The following LIMCH1 variants were observed in gnomAD, a reference collection of about 807,000 sequenced individuals.
LIMCH1 encodes LIM and calponin homology domains 1.
In LIMCH1, 113 loss-of-function variants were observed where a neutral mutation model predicts 176.5. The ratio of observed to expected loss-of-function variants is 0.64; its 90% CI spans 0.55 to 0.75. LIMCH1 has a LOEUF of 0.75. LIMCH1 is among the 30% of genes least tolerant of loss of function. The pLI is 0.00. For synonymous variants in LIMCH1, 619 were observed against 645.9 expected, an observed-to-expected ratio of 0.96 and a Z score of 0.63; for missense variants, 1,674 against 1,814.9, an observed-to-expected ratio of 0.92 and a Z score of 1.41.
intron 4 of LIMCH1, among the ~76,000 whole-genome samples, chr4:41,611,813 A>G (rs1225251404): frequency 6.6e-6 from 1 of 152,244 alleles, no homozygotes; most frequent in Admixed American, 6.5e-5. Flanking sequence ...GTAGGTAAAT[A>G]ATCCAAGATA....
chr4:41,485,940 T>C (rs967059494), intron 1 of LIMCH1, among the ~76,000 whole-genome samples: 3 of 152,184 alleles, frequency 2.0e-5, no homozygotes, highest in African/African-American at 7.2e-5. Context: ...GCAATGATTC[T>C]GGCTAAGTTC....
chr4:41,686,379 G>C (rs749788136), intron 28 of LIMCH1, among the ~76,000 whole-genome samples: 13 of 152,050 alleles, frequency 8.5e-5, no homozygotes, highest in Non-Finnish European at 1.3e-4. Flanking sequence ...TAATGAGATT[G>C]TTCCTGCCAT....
chr4:41,441,380 T>A (rs981905705), intron 1 of LIMCH1, among the ~76,000 whole-genome samples: 1 of 152,206 alleles, frequency 6.6e-6, no homozygotes, highest in Non-Finnish European at 1.5e-5. Flanking sequence ...TTTCTTATTG[T>A]CCCATTTCTG....
chr4:41,514,500 A>G (rs371457797), intron 2 of LIMCH1, among the ~76,000 whole-genome samples: 1 of 152,190 alleles, frequency 6.6e-6, no homozygotes, highest in African/African-American at 2.4e-5. Flanking sequence ...GAGACTTTGT[A>G]TGCTCAGGGA....
intron 1 of LIMCH1, among the ~76,000 whole-genome samples, chr4:41,466,956 A>G (rs929558415): frequency 5.3e-5 from 8 of 151,994 alleles, no homozygotes; most frequent in African/African-American, 1.9e-4. Context: ...TTTGGAAACC[A>G]CCATGCTACC....
At chr4:41,381,766 G>A (rs1419995608) in intron 1 of LIMCH1, among the ~76,000 whole-genome samples, 1 of 152,106 alleles carries the variant, frequency 6.6e-6, no homozygotes, top group Non-Finnish European at 1.5e-5. Context: ...AAGCCAAATT[G>A]CCCCACTTGC....
chr4:41,623,874 A>C (rs777781933), intron 7 of LIMCH1, among the ~76,000 whole-genome samples: 7 of 152,266 alleles, frequency 4.6e-5, no homozygotes, highest in Non-Finnish European at 8.8e-5. Context: ...GCGGTATCTT[A>C]GCATCAAGAG....
intron 1 of LIMCH1, among the ~76,000 whole-genome samples, chr4:41,414,407 T>C (rs574178814): frequency 2.5e-4 from 38 of 152,332 alleles, no homozygotes; most frequent in African/African-American, 7.2e-4. Context: ...TCTCAACTTC[T>C]CACATTCCAT....
chr4:41,682,525 G>A (rs1252947543), intron 26 of LIMCH1, 65 bp downstream of exon 26: 7 of 1,524,506 alleles, frequency 4.6e-6, no homozygotes, highest in Non-Finnish European at 6.2e-6. Flanking sequence ...GCACGCTCAG[G>A]AAGGGTACTC....
rs10709122 is a variant in LIMCH1, at chr4:41,697,370, G to GTTTTTTTTTTTTTTT, written c.*187_*201dup. The GTTTTTTTTTTTTTTT allele has an allele frequency of 4.9e-6, 2 of 410,210 alleles. No homozygotes were observed. The highest frequency in any genetic ancestry group is 4.4e-6 in the Non-Finnish European group (1 of 228,678). The allele number at this position is 410,210 out of a possible 1,614,324, so 25.4% of individuals were successfully genotyped here. The stretch of plus-strand genomic sequence containing the variant: ...TATGTTTTTCCTGTTTATTGTTTTG[G>GTTTTTTTTTTTTTTT]TTTTTTTTTTTTTTTTGCATTTGCA... On this transcript the variant is annotated 3_prime_UTR_variant, in exon 32 of 32. Transcript: ENST00000503057.
chr4:41,697,428 A>T lies in LIMCH1; in HGVS notation c.*243A>T. The T allele has an allele frequency of 2.3e-6, 1 of 439,548 alleles. No homozygotes were observed. The allele number at this position is 439,548 out of a possible 1,614,324, so 27.2% of individuals were successfully genotyped here. A position where few individuals can be genotyped will look rare whatever the true frequency, so the allele number is the denominator to read the frequency against. ...CACAAAAGAATATGGGGTTGTAATGATCCTGAATAGCTCAAAAAAGGTTTT... is the reference window on the plus strand; with the variant it reads ...CACAAAAGAATATGGGGTTGTAATGTTCCTGAATAGCTCAAAAAAGGTTTT... On this transcript the variant is annotated 3_prime_UTR_variant, in exon 32 of 32. Transcript: ENST00000503057.
At chr4:41,388,798 A>G (rs1008299332) in intron 1 of LIMCH1, among the ~76,000 whole-genome samples, 4 of 152,036 alleles carry the variant, frequency 2.6e-5, no homozygotes, top group Non-Finnish European at 5.9e-5. Context: ...ACCTGCCACC[A>G]CGCCCAACTA....
chr4:41,396,575 A>T (rs1448376094), intron 1 of LIMCH1, among the ~76,000 whole-genome samples: 1 of 151,390 alleles, frequency 6.6e-6, no homozygotes, highest in Non-Finnish European at 1.5e-5. Context: ...CCTGACTTTG[A>T]TATTTATCTG....
intron 1 of LIMCH1, among the ~76,000 whole-genome samples, chr4:41,586,756 C>CTGA (rs1205848011): frequency 7.9e-5 from 12 of 152,092 alleles, no homozygotes; most frequent in African/African-American, 2.9e-4. Flanking sequence ...GACAGTTTTC[C>CTGA]TGATAGGCTG....
At chr4:41,640,482 G>A (rs538085903) in intron 14 of LIMCH1, among the ~76,000 whole-genome samples, 13 of 152,304 alleles carry the variant, frequency 8.5e-5, no homozygotes, top group Middle Eastern at 3.4e-3. Flanking sequence ...CTTAAAAGGG[G>A]TGGGGACAGG....
At chr4:41,452,864 G>C (rs1361945747) in intron 1 of LIMCH1, among the ~76,000 whole-genome samples, 1 of 152,134 alleles carries the variant, frequency 6.6e-6, no homozygotes, top group Non-Finnish European at 1.5e-5. Context: ...GTACTTTTCT[G>C]TTGCCCTCAA....
At chr4:41,419,669 CTTCCTTCCTTCCTCCT>C (rs1424556394) in intron 1 of LIMCH1, among the ~76,000 whole-genome samples, 4 of 93,018 alleles carry the variant, frequency 4.3e-5, no homozygotes, top group South Asian at 3.8e-4. Context: ...TCCTTCCTTC[CTTCCTTCCTTCCTCCT>C]TCCTTCCTTC....
chr4:41,402,824 T>G (rs2058591699), intron 1 of LIMCH1, among the ~76,000 whole-genome samples: 1 of 83,878 alleles, frequency 1.2e-5, no homozygotes. Context: ...TGGGGACTGT[T>G]GTGGGGTGGG....
At chr4:41,378,328 A>G (rs920656577) in intron 1 of LIMCH1, among the ~76,000 whole-genome samples, 5 of 152,182 alleles carry the variant, frequency 3.3e-5, no homozygotes, top group Non-Finnish European at 5.9e-5. Context: ...TACTAATGCT[A>G]TGACTGTGGG....
Sources: allele counts gnomAD v4.1 joint callset (sites outside exome capture counted in the v4.1 genomes callset), GRCh38; gene constraint gnomAD v4.1.1; transcripts MANE v1.5; gene names NCBI Gene and HGNC (gene_info 2026-07-23, HGNC 2026-07-21).